The following ROBO1 variants were observed in gnomAD, a reference collection of about 807,000 sequenced individuals.
The protein encoded by ROBO1 is roundabout guidance receptor 1.
ROBO1 carries 149 observed loss-of-function variants against 195.9 expected under a neutral mutation model. The ratio of observed to expected loss-of-function variants is 0.76; its 90% CI spans 0.67 to 0.87. The LOEUF (loss-of-function observed/expected upper bound fraction) is 0.87, where lower values mean the gene tolerates loss of function less well. ROBO1 is among the 40% of genes least tolerant of loss of function. The pLI, the probability that ROBO1 is intolerant of heterozygous loss-of-function variation, is 0.00. For missense variants in ROBO1, 1,933 were observed against 2,068.3 expected (o/e 0.93, Z 1.27); for synonymous variants, 816 against 733.2 (o/e 1.11, Z -1.82).
intron 4 of ROBO1, among the ~76,000 whole-genome samples, chr3:78,792,260 T>G (rs957323775): frequency 1.3e-4 from 20 of 152,220 alleles, no homozygotes; most frequent in African/African-American, 4.3e-4. Flanking sequence ...AGGTGTCATT[T>G]CTATAAACAA....
At chr3:78,880,853 C>T (rs1261639706) in intron 4 of ROBO1, among the ~76,000 whole-genome samples, 1 of 152,150 alleles carries the variant, frequency 6.6e-6, no homozygotes, top group African/African-American at 2.4e-5. Flanking sequence ...AGCTCTGTAT[C>T]TAGGTCTGTT....
chr3:78,949,646 C>A (rs967871647), intron 3 of ROBO1, among the ~76,000 whole-genome samples: 121 of 151,942 alleles, frequency 8.0e-4, no homozygotes, highest in African/African-American at 2.5e-3. Context: ...GCAACAAAAG[C>A]CAAAATTGAC....
At chr3:79,432,224 A>G (rs2038707583) in intron 2 of ROBO1, among the ~76,000 whole-genome samples, 1 of 152,114 alleles carries the variant, frequency 6.6e-6, no homozygotes, top group Non-Finnish European at 1.5e-5. Context: ...TAGAGTGTCA[A>G]GACAAGACCC....
At chr3:78,907,287 AC>A (rs1412855389) in intron 4 of ROBO1, among the ~76,000 whole-genome samples, 1 of 152,102 alleles carries the variant, frequency 6.6e-6, no homozygotes, top group Admixed American at 6.6e-5. Context: ...TCACAAAAAA[AC>A]AAAACAACAA....
At chr3:79,526,295 A>G (rs1429129288) in intron 2 of ROBO1, among the ~76,000 whole-genome samples, 1 of 152,240 alleles carries the variant, frequency 6.6e-6, no homozygotes, top group East Asian at 1.9e-4. Context: ...AGATTTTGCT[A>G]CTGAGCAATA....
intron 5 of ROBO1, among the ~76,000 whole-genome samples, chr3:78,742,962 C>G (rs758324804): frequency 2.8e-4 from 43 of 152,052 alleles, no homozygotes; most frequent in Non-Finnish European, 5.4e-4. Context: ...AAAATGTCAT[C>G]TAGTTCACTA....
chr3:78,848,715 C>T (rs542253417), intron 4 of ROBO1, among the ~76,000 whole-genome samples: 1 of 152,092 alleles, frequency 6.6e-6, no homozygotes, highest in Non-Finnish European at 1.5e-5. Context: ...GTTTGTAATC[C>T]TTCCACAGAT....
At chr3:79,118,727 G>A (rs1029540753) in intron 3 of ROBO1, among the ~76,000 whole-genome samples, 2 of 151,910 alleles carry the variant, frequency 1.3e-5, no homozygotes, top group South Asian at 2.1e-4. Context: ...AATTAGCTGG[G>A]CATGGTGGTG....
intron 2 of ROBO1, among the ~76,000 whole-genome samples, chr3:79,457,424 T>G (rs2039653475): frequency 1.3e-5 from 2 of 151,760 alleles, no homozygotes. Flanking sequence ...TCTATGGGAG[T>G]GCATCGCTGA....
At chr3:79,389,264 A>G (rs1426831547) in intron 2 of ROBO1, among the ~76,000 whole-genome samples, 1 of 152,124 alleles carries the variant, frequency 6.6e-6, no homozygotes, top group East Asian at 1.9e-4. Context: ...GAAAAAAATT[A>G]TGTAATATGA....
At chr3:78,847,595 A>G (rs1431839834) in intron 4 of ROBO1, among the ~76,000 whole-genome samples, 1 of 152,102 alleles carries the variant, frequency 6.6e-6, no homozygotes, top group Non-Finnish European at 1.5e-5. Context: ...AAATAATAAC[A>G]CCTTCCTTCG....
At chr3:79,082,091 A>C (rs562964375) in intron 3 of ROBO1, among the ~76,000 whole-genome samples, 2 of 152,328 alleles carry the variant, frequency 1.3e-5, no homozygotes, top group South Asian at 4.1e-4. Context: ...GTGTCCTTAT[A>C]AATTCAAAGA....
At chr3:78,718,788 AAG>A (rs2081964796) in intron 5 of ROBO1, among the ~76,000 whole-genome samples, 2 of 116,630 alleles carry the variant, frequency 1.7e-5, no homozygotes, top group South Asian at 5.9e-4. Context: ...AGGAAGAAGG[AAG>A]GAAGGAAGGA....
intron 2 of ROBO1, among the ~76,000 whole-genome samples, chr3:79,151,690 C>A (rs2080774421): frequency 6.6e-6 from 1 of 151,774 alleles, no homozygotes; most frequent in South Asian, 2.1e-4. Flanking sequence ...TCTTTCACAC[C>A]TTTGTCTTAC....
intron 2 of ROBO1, among the ~76,000 whole-genome samples, chr3:79,472,748 T>G (rs948285328): frequency 6.6e-6 from 1 of 152,124 alleles, no homozygotes. Context: ...ACAAGCAATA[T>G]AGATGTGAGA....
chr3:78,722,370 T>G (rs1393267864), intron 5 of ROBO1, among the ~76,000 whole-genome samples: 2 of 152,150 alleles, frequency 1.3e-5, no homozygotes, highest in Non-Finnish European at 2.9e-5. Flanking sequence ...CAAGAAATGT[T>G]AGTGGATAAG....
rs113781391 is a variant in ROBO1, at chr3:79,278,377, A to AAAACAAAC, written c.89-152846_89-152839dup. Among the ~76,000 whole-genome samples, 1,149 of 150,978 alleles carry AAAACAAAC rather than the reference A, an allele frequency of 7.6e-3. 14 individuals carry two copies. Among genetic ancestry groups the AAAACAAAC allele is most frequent in the African/African-American group, 0.022 (895 of 40,906 alleles). On this transcript the variant is annotated intron_variant, in intron 2 of 30. Coordinates refer to ENST00000464233, the MANE Select transcript of ROBO1 (RefSeq NM_002941.4). ...CCAAAAGCAACCCTGAGCAAAAACA[A>AAAACAAAC]AAACAAACAAACAAACAAACAAACA...
intron 2 of ROBO1, among the ~76,000 whole-genome samples, chr3:79,293,522 A>G (rs905736494): frequency 6.6e-6 from 1 of 152,112 alleles, no homozygotes; most frequent in Non-Finnish European, 1.5e-5. Context: ...CTTTAGTGCT[A>G]TAATTTTCCC....
intron 4 of ROBO1, among the ~76,000 whole-genome samples, chr3:78,771,457 T>C (rs2083373619): frequency 6.6e-6 from 1 of 152,182 alleles, no homozygotes; most frequent in South Asian, 2.1e-4. Flanking sequence ...TTAACAGCAA[T>C]AGTGTTGAAT....
Sources: gnomAD v4.1 joint callset for allele counts (sites outside exome capture counted in the v4.1 genomes callset) on GRCh38, gnomAD v4.1.1 for gene constraint, MANE v1.5 for transcripts, NCBI Gene and HGNC (gene_info 2026-07-23, HGNC 2026-07-21) for gene names.